The following TSPAN14 variants were observed in gnomAD, a reference collection of about 807,000 sequenced individuals.
The protein encoded by TSPAN14 is tetraspanin 14.
TSPAN14 carries 16 observed loss-of-function variants against 36.6 expected under a neutral mutation model. The observed-to-expected ratio is 0.44, with a 90% CI of 0.30 to 0.66. The LOEUF (loss-of-function observed/expected upper bound fraction) is 0.66. Among genes scored for constraint, TSPAN14 ranks in the 30% least tolerant of loss-of-function variants. The pLI is 0.12. For missense variants in TSPAN14, 231 were observed against 355.1 expected (o/e 0.65, Z 2.81); for synonymous variants, 139 against 143.8 (o/e 0.97, Z 0.24).
At chr10:80,491,321 G>A (rs1051919681) in intron 2 of TSPAN14, among the ~76,000 whole-genome samples, 1 of 152,164 alleles carries the variant, frequency 6.6e-6, no homozygotes, top group African/African-American at 2.4e-5. Flanking sequence ...GAGCAGCATT[G>A]TTCCCTGTCT....
At chr10:80,460,250 C>T (rs1167094882) in intron 1 of TSPAN14, among the ~76,000 whole-genome samples, 3 of 152,126 alleles carry the variant, frequency 2.0e-5, no homozygotes, top group African/African-American at 7.2e-5. Context: ...TTTTACTAAA[C>T]TTAGCTAACT....
At chr10:80,492,251 C>G (rs1053947544) in intron 2 of TSPAN14, among the ~76,000 whole-genome samples, 4 of 152,122 alleles carry the variant, frequency 2.6e-5, no homozygotes, top group Non-Finnish European at 4.4e-5. Context: ...CATGTTCCCA[C>G]CATCTAGCTT....
In TSPAN14 at chr10:80,478,165, T is replaced by C. The variant is rs74837002; in HGVS notation, c.-17-11052T>C. ...GAAAAGAACATTTTGAAAAAAATTC[T>C]TGTATCCATGAAATAAGAACAGGAT... is the stretch of plus-strand genomic sequence containing the variant. On this transcript the variant is annotated intron_variant, in intron 1 of 8. Transcript: ENST00000429989. Among the ~76,000 whole-genome samples, 653 of 152,342 alleles carry C rather than the reference T, an allele frequency of 4.3e-3. 7 individuals are homozygous for C. The highest frequency in any genetic ancestry group is 7.8e-3 in the Non-Finnish European group (533 of 68,032).
chr10:80,522,288 A>C (rs1841303400), exon 9 of TSPAN14: 1 of 152,242 alleles, frequency 6.6e-6, no homozygotes, highest in Admixed American at 6.5e-5. Context: ...AGACAGGCAG[A>C]TCACTTGAGG....
At chr10:80,492,271 G>A (rs946993565) in intron 2 of TSPAN14, among the ~76,000 whole-genome samples, 1 of 152,100 alleles carries the variant, frequency 6.6e-6, no homozygotes, top group Admixed American at 6.5e-5. Context: ...TATTTGATTT[G>A]TATCCCCCTG....
chr10:80,461,144 T>A (rs2131952716), intron 1 of TSPAN14, among the ~76,000 whole-genome samples: 1 of 152,272 alleles, frequency 6.6e-6, no homozygotes, highest in African/African-American at 2.4e-5. Flanking sequence ...CCCTCCTGTC[T>A]ACTTGATCAG....
At chr10:80,481,585 G>A (rs1004341008) in intron 1 of TSPAN14, among the ~76,000 whole-genome samples, 6 of 152,122 alleles carry the variant, frequency 3.9e-5, no homozygotes, top group African/African-American at 9.7e-5. Flanking sequence ...GCAGGGAGAG[G>A]GATTTATGGG....
At chr10:80,517,220 TAGG>T (rs1424236824) in intron 8 of TSPAN14, among the ~76,000 whole-genome samples, 2 of 151,566 alleles carry the variant, frequency 1.3e-5, no homozygotes, top group African/African-American at 2.4e-5. Context: ...GACTAAGAAA[TAGG>T]AGGAAGCAAC....
At chr10:80,504,630 C>A in intron 2 of TSPAN14, 98 bp from the exon 3 acceptor site, 2 of 1,426,434 alleles carry the variant, frequency 1.4e-6, no homozygotes, top group East Asian at 2.3e-5. Context: ...GAGCTAGGAG[C>A]ATGCCCTACC....
intron 2 of TSPAN14, among the ~76,000 whole-genome samples, chr10:80,494,161 C>T (rs1472013127): frequency 6.6e-6 from 1 of 152,196 alleles, no homozygotes; most frequent in East Asian, 1.9e-4. Context: ...GACATTCTGC[C>T]ATTGGCTTTC....
In TSPAN14 at chr10:80,480,572, C is replaced by T. The variant is rs560036792; in HGVS notation, c.-17-8645C>T. Among the ~76,000 whole-genome samples the T allele has an allele frequency of 7.6e-3, 1,164 of 152,242 alleles. 7 individuals carry two copies. Among genetic ancestry groups the T allele is most frequent in the African/African-American group, 0.024 (988 of 41,532 alleles). On this transcript the variant is annotated intron_variant, in intron 1 of 8. Transcript: ENST00000429989. The stretch of plus-strand genomic sequence containing the variant: ...TAGACTGGATTAAGAAAATGTGGCA[C>T]ATATACACCATGGAATACTATGCAG...
intron 1 of TSPAN14, among the ~76,000 whole-genome samples, chr10:80,458,138 A>G (rs1369553335): frequency 4.6e-5 from 7 of 152,224 alleles, no homozygotes. Flanking sequence ...TCCTAGAAGC[A>G]GGAGCAGGTA....
At position 80,459,139 on chromosome 10, in the gene TSPAN14, G is replaced by A. The variant is rs1264164307; in HGVS notation, c.-18+4768G>A. 2.6e-5 allele frequency among the ~76,000 whole-genome samples: 4 copies of A among 152,156 alleles called. No individual in the cohort carries two copies. The East Asian group carries it at 7.7e-4, about 29-fold the overall frequency. On this transcript the variant is annotated intron_variant, in intron 1 of 8. Coordinates refer to ENST00000429989, the Ensembl canonical transcript of TSPAN14. ...GGCCTGACACTGGTGTGAGACAGCT[G>A]CCATCTCTGGCGGCACTCAGCAAGT...
intron 2 of TSPAN14, among the ~76,000 whole-genome samples, chr10:80,501,323 G>A (rs1433380246): frequency 7.5e-6 from 1 of 132,936 alleles, no homozygotes; most frequent in African/African-American, 2.9e-5. Flanking sequence ...TGGGGGTCTT[G>A]CTATGTTGCC....
rs112143030 is a variant in TSPAN14 at position 80,458,967 on chromosome 10, A to ATT, written c.-18+4609_-18+4610dup. ...GTTGAGTGACCTACACAAGTCTTTG[A>ATT]TTTTTTTTTTTTTTCTTCCTGGAAA... is the stretch of plus-strand genomic sequence containing the variant. On this transcript the variant is annotated intron_variant, in intron 1 of 8. Coordinates refer to ENST00000429989, the Ensembl canonical transcript of TSPAN14. Among the ~76,000 whole-genome samples the ATT allele has an allele frequency of 7.4e-4, 105 of 140,966 alleles. 1 individual carries two copies. The highest frequency in any genetic ancestry group is 6.8e-3 in the Admixed American group (96 of 14,104). The allele number at this position is 140,966 out of a possible 152,430, so 92.5% of individuals were successfully genotyped here. A position where few individuals can be genotyped will look rare whatever the true frequency, so the allele number is the denominator to read the frequency against.
At position 80,509,261 on chromosome 10, in the gene TSPAN14, G is replaced by C. The variant is rs1297927158; in HGVS notation, c.280-40G>C. 1.3e-6 allele frequency: 2 copies of C among 1,597,636 alleles called. No homozygotes were observed. Among genetic ancestry groups the C allele is most frequent in the Admixed American group, 1.7e-5 (1 of 59,404 alleles). On this transcript the variant is annotated intron_variant, in intron 4 of 8. Coordinates refer to ENST00000429989, the Ensembl canonical transcript of TSPAN14. The surrounding 1 kb of genome is among the most constrained non-coding windows in gnomAD (Gnocchi z 4.7). ...GTTATGTGTGTGGGGGTGCAGGCTG[G>C]TGGGGTGGTGACTTCTGCTCCCGTC...
intron 1 of TSPAN14, among the ~76,000 whole-genome samples, chr10:80,456,402 A>G (rs56154304): frequency 0.058 from 8,826 of 152,258 alleles, 328 homozygotes; most frequent in South Asian, 0.15. Flanking sequence ...GGACTGGTGA[A>G]GGTCCTTCTC....
chr10:80,504,058 G>A (rs543817178), intron 2 of TSPAN14, among the ~76,000 whole-genome samples: 2 of 152,282 alleles, frequency 1.3e-5, no homozygotes, highest in South Asian at 4.1e-4. Flanking sequence ...GCTCCTCTGG[G>A]GCGAGCTCAT....
chr10:80,456,234 G>A (rs1328655719), intron 1 of TSPAN14, among the ~76,000 whole-genome samples: 2 of 152,124 alleles, frequency 1.3e-5, no homozygotes, highest in Non-Finnish European at 2.9e-5. Flanking sequence ...AGCGTAGCAG[G>A]ATCATTTAGG....
Sources: allele counts gnomAD v4.1 joint callset (sites outside exome capture counted in the v4.1 genomes callset), GRCh38; gene constraint gnomAD v4.1.1; non-coding constraint Gnocchi (gnomAD v3.1); transcripts MANE v1.5; gene names NCBI Gene and HGNC (gene_info 2026-07-23, HGNC 2026-07-21).